BARD1: variants seen among roughly 807,000 people sequenced by gnomAD.
The protein encoded by BARD1 is BRCA1 associated RING domain 1, also known as BRCA1-associated RING domain protein 1.
Under a neutral mutation model 77.0 loss-of-function variants are expected in BARD1, and 73 were observed. That is an observed-to-expected ratio of 0.95 (90% CI 0.79 to 1.15). The LOEUF (loss-of-function observed/expected upper bound fraction) is 1.15, where lower values mean the gene tolerates loss of function less well. Among genes scored for constraint, BARD1 ranks in the 50% most tolerant of loss-of-function variants. The pLI, the probability that BARD1 is intolerant of heterozygous loss-of-function variation, is 0.00. For synonymous variants in BARD1, 384 were observed against 338.0 expected (o/e 1.14, Z -1.49); for missense variants, 993 against 938.8 (o/e 1.06, Z -0.75).
rs561727867 is a variant in BARD1 at position 214,767,147 on chromosome 2, A to C, written c.1568+335T>G. 7.2e-4 allele frequency among the ~76,000 whole-genome samples: 110 copies of C among 152,334 alleles called. 1 individual carries two copies. Among genetic ancestry groups the C allele is most frequent in the African/African-American group, 2.6e-3 (109 of 41,582 alleles). The stretch of plus-strand genomic sequence containing the variant: ...AGCTCCATCATGTGCCCACAAAAAA[A>C]CATGATCTCATTCTTTTTTGTAGTT... On this transcript the variant is annotated intron_variant, in intron 6 of 10. Coordinates refer to ENST00000260947, the MANE Select transcript of BARD1 (RefSeq NM_000465.4).
intron 5 of BARD1, among the ~76,000 whole-genome samples, chr2:214,768,943 C>A (rs2106080360): frequency 6.6e-6 from 1 of 152,280 alleles, no homozygotes; most frequent in South Asian, 2.1e-4. Context: ...CAGAATGGAG[C>A]CTGATGTCAG....
intron 1 of BARD1, among the ~76,000 whole-genome samples, chr2:214,797,561 G>A (rs751645871): frequency 6.6e-6 from 1 of 152,116 alleles, no homozygotes; most frequent in African/African-American, 2.4e-5. Context: ...ACTTCTGAGA[G>A]TGAAGAGGAG....
chr2:214,770,969 G>T, intron 4 of BARD1, among the ~76,000 whole-genome samples: 1 of 152,140 alleles, frequency 6.6e-6, no homozygotes, highest in East Asian at 1.9e-4. Context: ...TACGTTTTAA[G>T]TATCCGTTAA....
chr2:214,808,511 G>T (rs1261327948), intron 1 of BARD1, among the ~76,000 whole-genome samples: 1 of 152,190 alleles, frequency 6.6e-6, no homozygotes, highest in African/African-American at 2.4e-5. Context: ...GTCCAAAAAG[G>T]ATATAAACTT....
At chr2:214,763,305 G>C (rs558604443) in intron 6 of BARD1, among the ~76,000 whole-genome samples, 1 of 152,206 alleles carries the variant, frequency 6.6e-6, no homozygotes, top group Non-Finnish European at 1.5e-5. Context: ...TGAGCACCGT[G>C]CTATGAAGGC....
At position 214,781,609 on chromosome 2, in the gene BARD1, T is replaced by C. The variant is rs1695042982; in HGVS notation, c.365-100A>G. 4 of 879,370 alleles carry C rather than the reference T, an allele frequency of 4.5e-6. No individual in the cohort carries two copies. Among genetic ancestry groups the C allele is most frequent in the African/African-American group, 3.4e-5 (2 of 59,044 alleles). 54.5% of individuals were successfully genotyped at this position (879,370 alleles called of 1,614,324 possible). A position where few individuals can be genotyped will look rare whatever the true frequency, so the allele number is the denominator to read the frequency against. ...TTTACAGTTCCCCTAAAGTGTATCA[T>C]CTTTTAATTATGTACTTCTTTCTCA... On this transcript the variant is annotated intron_variant, in intron 3 of 10. Coordinates refer to ENST00000260947, the MANE Select transcript of BARD1 (RefSeq NM_000465.4).
Position 214,752,572 on chromosome 2 carries a change from A to G in BARD1, c.1569-17T>C. 6.3e-7 allele frequency: 1 copy of G among 1,588,230 alleles called. No homozygotes were observed. The highest frequency in any genetic ancestry group is 8.6e-7 in the Non-Finnish European group (1 of 1,156,640). On this transcript the variant is annotated splice_polypyrimidine_tract_variant and intron_variant, in intron 6 of 10. Coordinates refer to ENST00000260947, the MANE Select transcript of BARD1 (RefSeq NM_000465.4). ...AATATATTACTGGTAAAATAAGTGC[A>G]GATGTGTTTAAGTAAGTCAAATGTG...
intron 2 of BARD1, among the ~76,000 whole-genome samples, chr2:214,795,542 T>C (rs1469775849): frequency 1.3e-5 from 2 of 151,996 alleles, no homozygotes; most frequent in Non-Finnish European, 1.5e-5. Flanking sequence ...GTCAAGAATG[T>C]AGAAAATGAG....
intron 3 of BARD1, among the ~76,000 whole-genome samples, chr2:214,782,306 A>C (rs1317140206): frequency 6.6e-6 from 1 of 152,130 alleles, no homozygotes; most frequent in Non-Finnish European, 1.5e-5. Flanking sequence ...AAAACAGTCA[A>C]AACTGATTTA....
At chr2:214,764,049 G>A (rs1459764307) in intron 6 of BARD1, among the ~76,000 whole-genome samples, 1 of 152,180 alleles carries the variant, frequency 6.6e-6, no homozygotes, top group Non-Finnish European at 1.5e-5. Flanking sequence ...GGCAAAAGCT[G>A]CCAGGAACCA....
At chr2:214,764,840 G>A (rs1017048585) in intron 6 of BARD1, among the ~76,000 whole-genome samples, 1 of 152,152 alleles carries the variant, frequency 6.6e-6, no homozygotes, top group African/African-American at 2.4e-5. Context: ...ACTACGACAT[G>A]TTTTTAAGAG....
intron 9 of BARD1, chr2:214,731,002 A>C: frequency 4.6e-6 from 2 of 431,976 alleles, no homozygotes; most frequent in Non-Finnish European, 9.4e-6. Flanking sequence ...CTACAGCACC[A>C]AGCTCAGCTA....
At position 214,780,983 on chromosome 2, in the gene BARD1, T is replaced by G; in HGVS notation, c.891A>C (p.Val297=). 1 of 1,613,492 alleles carries G rather than the reference T, an allele frequency of 6.2e-7. No homozygotes were observed. The highest frequency in any genetic ancestry group is 2.2e-5 in the East Asian group (1 of 44,864). ...TTTTGCAGACCTTCTCAGGAGTCAC[T>G]ACTTCATTCCTGCTCTTAGTGTCTG... ...ESPDTKSRNE[V]VTPEKVCKNY... The change falls in exon 4 of 11, where the codon GTA becomes GTC. Residue 297 remains valine, a synonymous_variant. Transcript: ENST00000260947.
chr2:214,770,742 A>T (rs1420566918), intron 4 of BARD1, among the ~76,000 whole-genome samples: 1 of 152,138 alleles, frequency 6.6e-6, no homozygotes, highest in Non-Finnish European at 1.5e-5. Context: ...CAAAAAAAAT[A>T]GCTTCCCTCT....
At chr2:214,731,589 C>T (rs1025627270) in intron 9 of BARD1, among the ~76,000 whole-genome samples, 6 of 152,196 alleles carry the variant, frequency 3.9e-5, no homozygotes, top group South Asian at 2.1e-4. Flanking sequence ...TGTTTTTCAC[C>T]GGGCTTCTGT....
At position 214,766,911 on chromosome 2, in the gene BARD1, T is replaced by C. The variant is rs146223895; in HGVS notation, c.1568+571A>G. 1.5e-3 allele frequency among the ~76,000 whole-genome samples: 224 copies of C among 152,236 alleles called. 1 individual carries two copies. Among genetic ancestry groups the C allele is most frequent in the Middle Eastern group, 3.4e-3 (1 of 294 alleles). ...TAACGGGGGTGTGTTGTACAGATTA[T>C]TTCACCACCCAGGTATTGAGCCTAG... On this transcript the variant is annotated intron_variant, in intron 6 of 10. Transcript: ENST00000260947.
chr2:214,791,919 T>A lies in BARD1; in HGVS notation c.364+378A>T, dbSNP rs1169368183. Among the ~76,000 whole-genome samples, 5 of 152,164 alleles carry A rather than the reference T, an allele frequency of 3.3e-5. No homozygotes were observed. In the East Asian group the frequency reaches 9.7e-4, roughly 29 times the overall value. Reference sequence around the variant, plus strand: ...TCCAGCTTCTAGTACTAACTACACATGCGGCTGTAGGCAAGGTTATTTCAC... The same window carrying A: ...TCCAGCTTCTAGTACTAACTACACAAGCGGCTGTAGGCAAGGTTATTTCAC... On this transcript the variant is annotated intron_variant, in intron 3 of 10. Coordinates refer to ENST00000260947, the MANE Select transcript of BARD1 (RefSeq NM_000465.4).
intron 4 of BARD1, among the ~76,000 whole-genome samples, chr2:214,773,167 T>C (rs562539980): frequency 1.3e-5 from 2 of 152,300 alleles, no homozygotes; most frequent in South Asian, 4.1e-4. Flanking sequence ...ACAATATAAA[T>C]TAACTTTCCA....
intron 6 of BARD1, among the ~76,000 whole-genome samples, chr2:214,758,165 G>A (rs1438656156): frequency 6.6e-6 from 1 of 152,060 alleles, no homozygotes; most frequent in Non-Finnish European, 1.5e-5. Context: ...AAGAGTTGGG[G>A]TTACCGAATA....
Sources: gnomAD v4.1 joint callset for allele counts (sites outside exome capture counted in the v4.1 genomes callset) on GRCh38, gnomAD v4.1.1 for gene constraint, MANE v1.5 for transcripts, NCBI Gene and HGNC (gene_info 2026-07-23, HGNC 2026-07-21) for gene names.